Variants in FAP observed in about 807,000 individuals in gnomAD.
FAP encodes the protein fibroblast activation protein alpha, also known as prolyl endopeptidase FAP.
A neutral mutation model predicts 126.5 loss-of-function variants in FAP; 110 were observed. The observed-to-expected ratio is 0.87, with a 90% confidence interval of 0.74 to 1.02. The LOEUF (loss-of-function observed/expected upper bound fraction) is 1.02, where lower values mean the gene tolerates loss of function less well. FAP is among the 50% of genes least tolerant of loss of function. The probability of loss-of-function intolerance (pLI) is 0.00; values close to 1 mark genes in which losing one functional copy is unlikely to be tolerated. For synonymous variants in FAP, 334 were observed against 297.3 expected, an observed-to-expected ratio of 1.12 and a Z score of -1.27; for missense variants, 919 against 909.2, an observed-to-expected ratio of 1.01 and a Z score of -0.14.
intron 16 of FAP, chr2:162,197,453 G>A (rs2106238718): frequency 9.4e-6 from 4 of 424,998 alleles, no homozygotes; most frequent in South Asian, 5.2e-5. Context: ...GACATTTAAT[G>A]TATACCTTTA....
At position 162,188,177 on chromosome 2, in the gene FAP, TG is replaced by T; in HGVS notation, c.1805del (p.Thr602LysfsTer7). On this transcript the variant is annotated frameshift_variant, in exon 20 of 26. Coordinates refer to ENST00000188790, the MANE Select transcript of FAP (RefSeq NM_004460.5). LOFTEE classifies it high-confidence loss of function. The part of the protein sequence containing the change: ...LGVYEVEDQI[T>X]AVRKFIEMGF... ...AATGAGAAGGTGCTCACCTGACAGCTGTAATCTGGTCTTCAACTTCATAAAC... is the reference window on the plus strand; with the variant it reads ...AATGAGAAGGTGCTCACCTGACAGCTTAATCTGGTCTTCAACTTCATAAAC... 1 of 1,612,718 alleles carries T rather than the reference TG, an allele frequency of 6.2e-7. No individual in the cohort carries two copies.
chr2:162,224,431 T>C, intron 5 of FAP, 35 bp downstream of exon 5: 1 of 1,283,146 alleles, frequency 7.8e-7, no homozygotes, highest in Non-Finnish European at 1.1e-6. Context: ...TAGTAGGAGA[T>C]ACAATTGGAT....
chr2:162,191,119 G>A (rs1176995481), intron 17 of FAP, among the ~76,000 whole-genome samples: 1 of 151,748 alleles, frequency 6.6e-6, no homozygotes, highest in Non-Finnish European at 1.5e-5. Flanking sequence ...ACTCCTGTGT[G>A]GATCAAGCAC....
intron 12 of FAP, among the ~76,000 whole-genome samples, chr2:162,205,944 T>G (rs544735125): frequency 6.6e-6 from 1 of 152,284 alleles, no homozygotes; most frequent in Admixed American, 6.5e-5. Flanking sequence ...CAAGCTGCAG[T>G]CAGTTAGATA....
chr2:162,191,846 T>C (rs1318195285), intron 17 of FAP, among the ~76,000 whole-genome samples: 6 of 152,152 alleles, frequency 3.9e-5, no homozygotes, highest in Non-Finnish European at 7.4e-5. Context: ...AAGTACTACC[T>C]GCTGTTTTCA....
chr2:162,199,070 C>T (rs968476920), intron 15 of FAP, among the ~76,000 whole-genome samples, 189 bp from the exon 16 acceptor site: 15 of 152,124 alleles, frequency 9.9e-5, no homozygotes, highest in African/African-American at 3.4e-4. Context: ...TCCATCTTTG[C>T]CTTAATAGGC....
At chr2:162,213,873 G>A (rs1299739575) in intron 11 of FAP, 65 bp downstream of exon 11, 1 of 1,497,588 alleles carries the variant, frequency 6.7e-7, no homozygotes, top group African/African-American at 1.4e-5. Context: ...GTTAGCTATG[G>A]ATGAGTCCCC....
intron 17 of FAP, among the ~76,000 whole-genome samples, chr2:162,190,021 AT>A (rs1687984257): frequency 6.6e-6 from 1 of 151,788 alleles, no homozygotes; most frequent in Non-Finnish European, 1.5e-5. Flanking sequence ...AGGAGCAACA[AT>A]GTTTATTCAA....
intron 2 of FAP, among the ~76,000 whole-genome samples, chr2:162,238,461 C>T (rs1008067701): frequency 2.0e-5 from 3 of 152,196 alleles, no homozygotes; most frequent in African/African-American, 7.2e-5. Flanking sequence ...TTTGGCGAAA[C>T]TCAAAGGGAG....
intron 2 of FAP, among the ~76,000 whole-genome samples, chr2:162,232,752 T>C (rs1295778756): frequency 6.6e-6 from 1 of 152,232 alleles, no homozygotes; most frequent in African/African-American, 2.4e-5. Context: ...TGTTATGTTA[T>C]ATTATTTTAA....
chr2:162,206,393 T>A (rs1008866651), intron 12 of FAP, among the ~76,000 whole-genome samples: 2 of 152,232 alleles, frequency 1.3e-5, no homozygotes, highest in African/African-American at 4.8e-5. Flanking sequence ...ATATTTTACC[T>A]GGAAGGTGAC....
intron 13 of FAP, 42 bp downstream of exon 13, chr2:162,202,999 A>G: frequency 6.3e-7 from 1 of 1,597,158 alleles, no homozygotes; most frequent in Non-Finnish European, 8.6e-7. Context: ...AGCAACCTCA[A>G]GTGAATGATC....
intron 2 of FAP, among the ~76,000 whole-genome samples, chr2:162,230,710 T>C (rs1476193023): frequency 6.6e-6 from 1 of 152,112 alleles, no homozygotes; most frequent in African/African-American, 2.4e-5. Context: ...AGTGTGCTTA[T>C]ATAAAAAACA....
intron 5 of FAP, among the ~76,000 whole-genome samples, 190 bp from the exon 6 acceptor site, chr2:162,223,850 C>T (rs1689515003): frequency 6.6e-6 from 1 of 152,096 alleles, no homozygotes; most frequent in African/African-American, 2.4e-5. Flanking sequence ...GACTTTTGTG[C>T]CGTTTGTGCA....
intron 6 of FAP, among the ~76,000 whole-genome samples, chr2:162,222,690 G>A (rs1689461153): frequency 6.6e-6 from 1 of 152,120 alleles, no homozygotes; most frequent in Non-Finnish European, 1.5e-5. Flanking sequence ...GTGCTAATCT[G>A]ATCATGTCAT....
Position 162,217,973 on chromosome 2 carries a change from G to T in FAP, c.762+13C>A. On this transcript the variant is annotated intron_variant, in intron 9 of 25. Coordinates refer to ENST00000188790, the MANE Select transcript of FAP (RefSeq NM_004460.5). ...CAGGAAAATGAAAGCATCGCTGAAA[G>T]TATTCAACATACCTTTGGGTATGGA... The T allele has an allele frequency of 6.4e-7, 1 of 1,550,770 alleles. No individual in the cohort carries two copies. Among genetic ancestry groups the T allele is most frequent in the Non-Finnish European group, 8.7e-7 (1 of 1,146,774 alleles).
chr2:162,218,400 T>A (rs1009684408), intron 8 of FAP, among the ~76,000 whole-genome samples: 10 of 152,134 alleles, frequency 6.6e-5, no homozygotes, highest in Non-Finnish European at 1.3e-4. Flanking sequence ...ATAATAAACA[T>A]GTTGGCACTA....
rs746828192 is a variant in FAP, at chr2:162,224,542, T to G, written c.286-2A>C. 1.1e-5 allele frequency: 18 copies of G among 1,576,600 alleles called. No individual in the cohort carries two copies. The highest frequency in any genetic ancestry group is 1.4e-5 in the Non-Finnish European group (16 of 1,158,914). On this transcript the variant is annotated splice_acceptor_variant, in intron 4 of 25. Coordinates refer to ENST00000188790, the MANE Select transcript of FAP (RefSeq NM_004460.5). LOFTEE classifies it high-confidence loss of function. Reference sequence around the variant, plus strand: ...GTAATTTGAAGCATTCACACTTTTCTGAAATTATGAAGAGGTTGATTAGAA... The same window carrying G: ...GTAATTTGAAGCATTCACACTTTTCGGAAATTATGAAGAGGTTGATTAGAA...
chr2:162,189,589 C>T (rs767598153), intron 18 of FAP, 67 bp downstream of exon 18: 1 of 865,776 alleles, frequency 1.2e-6, no homozygotes, highest in Non-Finnish European at 1.9e-6. Flanking sequence ...TCACTCTATG[C>T]TTTTTTAAAA....
Sources: gnomAD v4.1 joint callset for allele counts (sites outside exome capture counted in the v4.1 genomes callset) on GRCh38, gnomAD v4.1.1 for gene constraint, MANE v1.5 for transcripts, NCBI Gene and HGNC (gene_info 2026-07-23, HGNC 2026-07-21) for gene names.